Variants in CYRIA observed in about 807,000 individuals in gnomAD.
CYRIA encodes the protein CYFIP related Rac1 interactor A.
CYRIA carries 15 observed loss-of-function variants against 43.9 expected under a neutral mutation model. The observed-to-expected ratio is 0.34, with a 90% confidence interval of 0.23 to 0.53. The LOEUF (loss-of-function observed/expected upper bound fraction) is 0.53. CYRIA is among the 20% of genes least tolerant of loss of function. The pLI, the probability that CYRIA is intolerant of heterozygous loss-of-function variation, is 0.94. For missense variants in CYRIA, 236 were observed against 394.2 expected (o/e 0.60, Z 3.40); for synonymous variants, 117 against 136.0 (o/e 0.86, Z 0.97).
chr2:16,616,510 T>C (rs1399253292), intron 2 of CYRIA, among the ~76,000 whole-genome samples: 1 of 152,218 alleles, frequency 6.6e-6, no homozygotes, highest in African/African-American at 2.4e-5. Flanking sequence ...TTCCTGCCTC[T>C]GGAATCCTAA....
At chr2:16,610,920 A>ATATATC (rs1668573926) in intron 2 of CYRIA, among the ~76,000 whole-genome samples, 1 of 63,654 alleles carries the variant, frequency 1.6e-5, no homozygotes, top group African/African-American at 9.5e-5. Flanking sequence ...ATATATATAT[A>ATATATC]TATATATATA....
At chr2:16,578,947 G>A (rs925691983) in intron 3 of CYRIA, among the ~76,000 whole-genome samples, 1 of 151,978 alleles carries the variant, frequency 6.6e-6, no homozygotes, top group Non-Finnish European at 1.5e-5. Flanking sequence ...TAATTACAAA[G>A]AAAACATACC....
chr2:16,655,574 AG>A (rs1670089257), intron 1 of CYRIA, among the ~76,000 whole-genome samples: 1 of 152,176 alleles, frequency 6.6e-6, no homozygotes, highest in South Asian at 2.1e-4. Context: ...AACTCTGCTA[AG>A]CCCTGCTTGG....
At chr2:16,645,943 G>A (rs1287393307) in intron 1 of CYRIA, among the ~76,000 whole-genome samples, 1 of 152,102 alleles carries the variant, frequency 6.6e-6, no homozygotes, top group Admixed American at 6.5e-5. Flanking sequence ...GCTTATACAC[G>A]CACACACCCA....
intron 2 of CYRIA, among the ~76,000 whole-genome samples, chr2:16,607,148 T>C (rs1301584923): frequency 6.6e-6 from 1 of 152,162 alleles, no homozygotes; most frequent in Non-Finnish European, 1.5e-5. Flanking sequence ...CAATTGCCCT[T>C]GTTTCAACGT....
intron 2 of CYRIA, among the ~76,000 whole-genome samples, chr2:16,619,812 C>T (rs534014859): frequency 6.6e-6 from 1 of 152,162 alleles, no homozygotes; most frequent in African/African-American, 2.4e-5. Flanking sequence ...TCCTCCTCAC[C>T]CATGACAGAG....
chr2:16,583,012 C>T (rs768807436), intron 3 of CYRIA, among the ~76,000 whole-genome samples: 2 of 152,156 alleles, frequency 1.3e-5, no homozygotes, highest in Non-Finnish European at 2.9e-5. Flanking sequence ...TTCACATCCT[C>T]ACTAACACCT....
At chr2:16,569,164 CAGGGGGCTGGTACCACTTCTCTCCCAG>C (rs1248790046) in intron 3 of CYRIA, among the ~76,000 whole-genome samples, 3 of 152,100 alleles carry the variant, frequency 2.0e-5, no homozygotes, top group African/African-American at 4.8e-5. Context: ...CATGAGTAAC[CAGGGGGCTGGTACCACTTCTCTCCCAG>C]AGGAGGCGGA....
At chr2:16,563,095 T>C (rs1425749593) in intron 5 of CYRIA, among the ~76,000 whole-genome samples, 1 of 152,188 alleles carries the variant, frequency 6.6e-6, no homozygotes, top group Non-Finnish European at 1.5e-5. Flanking sequence ...CAGTTCTACC[T>C]TGGCCTGCTC....
intron 3 of CYRIA, among the ~76,000 whole-genome samples, chr2:16,580,332 C>T (rs115109286): frequency 5.9e-5 from 9 of 152,058 alleles, no homozygotes; most frequent in African/African-American, 1.4e-4. Context: ...AAGACATAAA[C>T]GGATGAAAGC....
At chr2:16,614,398 T>C (rs6723770) in intron 2 of CYRIA, among the ~76,000 whole-genome samples, 87,604 of 152,112 alleles carry the variant, frequency 0.58, 28,764 homozygotes, top group East Asian at 0.99. Flanking sequence ...AGTTTATCTC[T>C]GAATTTCTGT....
chr2:16,653,881 C>T (rs1462915583), intron 1 of CYRIA, among the ~76,000 whole-genome samples: 3 of 152,150 alleles, frequency 2.0e-5, no homozygotes, highest in African/African-American at 7.2e-5. Context: ...TTCTGTAATA[C>T]GAAGCTAACG....
rs142171106 is a variant in CYRIA at position 16,643,140 on chromosome 2, T to C, written c.-166-19121A>G. On this transcript the variant is annotated intron_variant, in intron 1 of 11. Coordinates refer to ENST00000381323, the MANE Select transcript of CYRIA (RefSeq NM_030797.4). ...TACTTTAACATTATTAAAGTTATTA[T>C]TTAGTATCTACATTTTTTCCTTAAC... 2.1e-4 allele frequency among the ~76,000 whole-genome samples: 32 copies of C among 151,480 alleles called. No homozygotes were observed. The East Asian group carries it at 5.8e-3, about 27-fold the overall frequency.
At chr2:16,617,184 G>A (rs1186618792) in intron 2 of CYRIA, among the ~76,000 whole-genome samples, 1 of 152,208 alleles carries the variant, frequency 6.6e-6, no homozygotes, top group African/African-American at 2.4e-5. Context: ...AGACAGGAAA[G>A]AGCTGAGGTA....
At chr2:16,623,033 A>G (rs1558431745) in intron 2 of CYRIA, 1 of 152,248 alleles carries the variant, frequency 6.6e-6, no homozygotes, top group Non-Finnish European at 1.5e-5. Flanking sequence ...AAGACAGGAT[A>G]GCAGAAGATA....
intron 2 of CYRIA, among the ~76,000 whole-genome samples, chr2:16,608,222 G>A (rs1668476392): frequency 6.6e-6 from 1 of 152,178 alleles, no homozygotes; most frequent in Non-Finnish European, 1.5e-5. Context: ...AGACTGAGCA[G>A]AGAAAACAGT....
chr2:16,659,930 T>G (rs888964992), intron 1 of CYRIA, among the ~76,000 whole-genome samples: 2 of 152,128 alleles, frequency 1.3e-5, no homozygotes. Flanking sequence ...CTGGTCCCTC[T>G]GTGCCACTCC....
rs148476014 is a variant in CYRIA, at chr2:16,551,600, G to A, written c.*1336C>T. 3.3e-5 allele frequency: 5 copies of A among 152,132 alleles called. No homozygotes were observed. The East Asian group carries it at 7.8e-4, about 24-fold the overall frequency. The allele number at this position is 152,132 out of a possible 1,614,324, so 9.4% of individuals were successfully genotyped here. ...ATCAGAGATTTTCATGATTCCATTC[G>A]AACTAAGCTCTGATGTACAGAGAGA... On this transcript the variant is annotated 3_prime_UTR_variant, in exon 12 of 12. Transcript: ENST00000381323.
intron 1 of CYRIA, among the ~76,000 whole-genome samples, chr2:16,637,386 G>T (rs533104888): frequency 1.9e-4 from 29 of 152,174 alleles, no homozygotes; most frequent in Middle Eastern, 6.8e-3. Context: ...TAAGATTAGT[G>T]GCCTTCTCAA....
Sources: allele counts gnomAD v4.1 joint callset (sites outside exome capture counted in the v4.1 genomes callset), GRCh38; gene constraint gnomAD v4.1.1; transcripts MANE v1.5; gene names NCBI Gene and HGNC (gene_info 2026-07-23, HGNC 2026-07-21).